Variants in TBC1D5 observed in about 807,000 individuals in gnomAD.
TBC1D5 encodes the protein TBC1 domain family member 5, also known as TBC1 domain family, member 5.
Under a neutral mutation model 100.3 loss-of-function variants are expected in TBC1D5, and 75 were observed. The observed-to-expected ratio is 0.75, with a 90% CI of 0.62 to 0.91. The LOEUF (loss-of-function observed/expected upper bound fraction) is 0.91. TBC1D5 is among the 40% of genes least tolerant of loss of function. The probability of loss-of-function intolerance (pLI) is 0.00; values close to 1 mark genes in which losing one functional copy is unlikely to be tolerated. For synonymous variants in TBC1D5, 323 were observed against 325.6 expected, an observed-to-expected ratio of 0.99 and a Z score of 0.09; for missense variants, 910 against 942.4, an observed-to-expected ratio of 0.97 and a Z score of 0.45.
In TBC1D5 at chr3:17,289,311, T is replaced by C. The variant is rs183673305; in HGVS notation, c.1245+2584A>G. 2.8e-3 allele frequency among the ~76,000 whole-genome samples: 433 copies of C among 152,062 alleles called. 1 individual carries two copies. The highest frequency in any genetic ancestry group is 9.5e-3 in the African/African-American group (394 of 41,512). ...CATGGTATGGCGGGCCGAGTGGATG[T>C]AGTGCCTCCTGCGGCAGGCCCAGGG... On this transcript the variant is annotated intron_variant, in intron 15 of 21. Transcript: ENST00000253692.
intron 1 of TBC1D5, among the ~76,000 whole-genome samples, chr3:17,738,094 TA>T (rs1239893616): frequency 6.6e-6 from 1 of 152,232 alleles, no homozygotes; most frequent in Non-Finnish European, 1.5e-5. Flanking sequence ...TGTTTTTTTC[TA>T]CAGCCCTACT....
intron 14 of TBC1D5, among the ~76,000 whole-genome samples, chr3:17,294,917 A>G (rs2082101502): frequency 6.6e-6 from 1 of 152,234 alleles, no homozygotes. Flanking sequence ...AAAACAAACT[A>G]GTAAGGATCT....
At chr3:17,253,693 C>T (rs1187099632) in intron 16 of TBC1D5, among the ~76,000 whole-genome samples, 1 of 152,228 alleles carries the variant, frequency 6.6e-6, no homozygotes, top group South Asian at 2.1e-4. Flanking sequence ...TCACCACATG[C>T]TAGCTGCCCG....
intron 18 of TBC1D5, among the ~76,000 whole-genome samples, chr3:17,192,423 A>G (rs2070060079): frequency 6.6e-6 from 1 of 152,066 alleles, no homozygotes; most frequent in Admixed American, 6.5e-5. Context: ...CTGGAGTAGT[A>G]TAGCATTCTT....
chr3:17,500,181 CAAATA>C (rs2095767412), intron 3 of TBC1D5, among the ~76,000 whole-genome samples: 2 of 149,016 alleles, frequency 1.3e-5, no homozygotes, highest in Admixed American at 6.6e-5. Context: ...TCCCTTCAAG[CAAATA>C]AAGAGAATTG....
chr3:17,726,965 A>C (rs942287034), intron 1 of TBC1D5, among the ~76,000 whole-genome samples: 3 of 152,252 alleles, frequency 2.0e-5, no homozygotes, highest in African/African-American at 7.2e-5. Context: ...CTAACAGATC[A>C]ATCCTATTAT....
At chr3:17,372,208 G>A in exon 13 of TBC1D5, 3 of 1,613,474 alleles carry the variant, frequency 1.9e-6, no homozygotes, top group Non-Finnish European at 2.5e-6. Flanking sequence ...AAATCTTGTG[G>A]TCTAGCAAAG....
intron 4 of TBC1D5, among the ~76,000 whole-genome samples, chr3:17,413,894 G>A (rs2093999467): frequency 6.6e-6 from 1 of 152,182 alleles, no homozygotes; most frequent in Non-Finnish European, 1.5e-5. Flanking sequence ...TAAGACTGAA[G>A]ATCTCTAATC....
exon 1 of TBC1D5, chr3:17,739,919 C>A (rs1169542973): frequency 6.6e-6 from 1 of 151,586 alleles, no homozygotes; most frequent in Admixed American, 6.6e-5. Context: ...GCAGGAGAAT[C>A]GCTTGAATCT....
exon 1 of TBC1D5, chr3:17,739,686 T>G (rs940888277): frequency 6.6e-6 from 1 of 152,200 alleles, no homozygotes; most frequent in East Asian, 1.9e-4. Context: ...GATGACAAAT[T>G]TGACTTTTAA....
intron 18 of TBC1D5, among the ~76,000 whole-genome samples, chr3:17,204,717 T>C (rs1264312066): frequency 6.6e-6 from 1 of 152,020 alleles, no homozygotes; most frequent in African/African-American, 2.4e-5. Flanking sequence ...TTTCACAGCC[T>C]TCTCAGATTT....
intron 1 of TBC1D5, among the ~76,000 whole-genome samples, chr3:17,720,997 G>A (rs905596184): frequency 7.9e-5 from 12 of 151,596 alleles, no homozygotes; most frequent in Non-Finnish European, 1.0e-4. Flanking sequence ...GCACTACAAC[G>A]CCTGAGTAAT....
chr3:17,635,537 G>A (rs1261872742), intron 1 of TBC1D5, among the ~76,000 whole-genome samples: 4 of 151,988 alleles, frequency 2.6e-5, no homozygotes, highest in Admixed American at 1.3e-4. Flanking sequence ...AAAATTAGCC[G>A]GGCATGGTGG....
intron 2 of TBC1D5, among the ~76,000 whole-genome samples, chr3:17,522,830 T>C (rs1195934706): frequency 6.6e-6 from 1 of 152,196 alleles, no homozygotes; most frequent in East Asian, 1.9e-4. Context: ...TAATTCTTGC[T>C]ATCCTAATTT....
intron 3 of TBC1D5, among the ~76,000 whole-genome samples, chr3:17,431,762 G>A (rs1407998869): frequency 6.6e-6 from 1 of 152,000 alleles, no homozygotes; most frequent in Non-Finnish European, 1.5e-5. Flanking sequence ...TCTAACATGT[G>A]TATCTAACTT....
At chr3:17,400,477 T>C (rs975514137) in intron 8 of TBC1D5, among the ~76,000 whole-genome samples, 5 of 152,096 alleles carry the variant, frequency 3.3e-5, no homozygotes, top group Non-Finnish European at 4.4e-5. Flanking sequence ...AAAATTTATA[T>C]AGAAATGACA....
At chr3:17,638,567 T>TA (rs937034490) in intron 1 of TBC1D5, among the ~76,000 whole-genome samples, 2 of 152,150 alleles carry the variant, frequency 1.3e-5, no homozygotes, top group African/African-American at 4.8e-5. Context: ...TCAGCAGTAA[T>TA]ATAAAGTATA....
chr3:17,578,812 G>A (rs1267708066), intron 2 of TBC1D5, among the ~76,000 whole-genome samples: 5 of 151,898 alleles, frequency 3.3e-5, no homozygotes. Flanking sequence ...AATTATGTGG[G>A]TAAAACTATT....
intron 16 of TBC1D5, among the ~76,000 whole-genome samples, chr3:17,245,727 G>A (rs1315768917): frequency 6.6e-6 from 1 of 152,142 alleles, no homozygotes; most frequent in African/African-American, 2.4e-5. Context: ...AACTTCTCAA[G>A]ATATACATAT....
Sources: allele counts gnomAD v4.1 joint callset (sites outside exome capture counted in the v4.1 genomes callset), GRCh38; gene constraint gnomAD v4.1.1; transcripts MANE v1.5; gene names NCBI Gene and HGNC (gene_info 2026-07-23, HGNC 2026-07-21).